Variants in LDB2 observed in about 807,000 individuals in gnomAD.
LDB2 encodes the protein LIM domain binding 2, also known as LIM domain-binding protein 2.
A neutral mutation model predicts 44.3 loss-of-function variants in LDB2; 12 were observed. The observed-to-expected ratio is 0.27, with a 90% confidence interval of 0.17 to 0.44. The LOEUF (loss-of-function observed/expected upper bound fraction) is 0.44, where lower values mean the gene tolerates loss of function less well. LDB2 is among the 20% of genes least tolerant of loss of function. The probability of loss-of-function intolerance (pLI) is 1.00; values close to 1 mark genes in which losing one functional copy is unlikely to be tolerated. For synonymous variants in LDB2, 164 were observed against 174.8 expected (o/e 0.94, Z 0.49); for missense variants, 344 against 473.5 (o/e 0.73, Z 2.54).
chr4:16,830,022 T>A (rs1783783658), intron 1 of LDB2, among the ~76,000 whole-genome samples: 1 of 152,008 alleles, frequency 6.6e-6, no homozygotes, highest in Non-Finnish European at 1.5e-5. Context: ...GCAGAATCCC[T>A]TGAACCTGGG....
intron 2 of LDB2, among the ~76,000 whole-genome samples, chr4:16,697,144 C>A (rs1453956914): frequency 1.3e-5 from 2 of 152,086 alleles, no homozygotes; most frequent in Middle Eastern, 6.8e-3. Flanking sequence ...CTGTCTTTGG[C>A]CTAGGAACGG....
chr4:16,703,048 C>T (rs957892461), intron 2 of LDB2, among the ~76,000 whole-genome samples: 4 of 152,158 alleles, frequency 2.6e-5, no homozygotes, highest in Non-Finnish European at 4.4e-5. Flanking sequence ...ACAACCAACC[C>T]TCATTTATCC....
intron 2 of LDB2, among the ~76,000 whole-genome samples, chr4:16,743,621 GC>G (rs76660667): frequency 0.072 from 11,019 of 152,082 alleles, 675 homozygotes; most frequent in East Asian, 0.38. Context: ...AAAAAGACAA[GC>G]TGCTTGTTGT....
chr4:16,647,169 C>A (rs1367473187), intron 2 of LDB2, among the ~76,000 whole-genome samples: 2 of 152,138 alleles, frequency 1.3e-5, no homozygotes, highest in South Asian at 4.2e-4. Context: ...TTGGAGGAAA[C>A]CTGAAGAGAT....
At chr4:16,777,499 G>A (rs929845564) in intron 1 of LDB2, among the ~76,000 whole-genome samples, 4 of 152,134 alleles carry the variant, frequency 2.6e-5, no homozygotes, top group Admixed American at 2.0e-4. Flanking sequence ...CTGGGGAAGC[G>A]CCAGGGCTTG....
chr4:16,586,508 AC>A (rs60282516), intron 4 of LDB2, among the ~76,000 whole-genome samples: 1,498 of 80,460 alleles, frequency 0.019, 28 homozygotes, highest in African/African-American at 0.055. Context: ...ACACACACAC[AC>A]ACACACACAC....
At chr4:16,562,776 T>C (rs1037583022) in intron 5 of LDB2, among the ~76,000 whole-genome samples, 3 of 152,226 alleles carry the variant, frequency 2.0e-5, no homozygotes, top group African/African-American at 7.2e-5. Flanking sequence ...CGTATGTTTA[T>C]TGCGGCACTA....
intron 2 of LDB2, among the ~76,000 whole-genome samples, chr4:16,692,157 G>C (rs1750929355): frequency 6.6e-6 from 1 of 152,120 alleles, no homozygotes. Flanking sequence ...ATTCTACATG[G>C]AAAGGAGAAT....
intron 5 of LDB2, among the ~76,000 whole-genome samples, chr4:16,570,462 CAAAAAAAAAAAAAAAAAAAAAAAAAAA>C (rs71181175): frequency 1.1e-3 from 19 of 16,604 alleles, no homozygotes; most frequent in East Asian, 7.3e-3. Context: ...GACTCTGTCT[CAAAAAAAAAAAAAAAAAAAAAAAAAAA>C]AAAAAAAAAA....
At chr4:16,692,566 T>C (rs991224561) in intron 2 of LDB2, among the ~76,000 whole-genome samples, 4 of 152,188 alleles carry the variant, frequency 2.6e-5, no homozygotes, top group African/African-American at 9.7e-5. Flanking sequence ...AAATACTTTT[T>C]TTTTCCTCTT....
intron 1 of LDB2, among the ~76,000 whole-genome samples, chr4:16,784,868 G>A (rs772459351): frequency 6.6e-6 from 1 of 151,920 alleles, no homozygotes; most frequent in Non-Finnish European, 1.5e-5. Context: ...GAAAACAATC[G>A]TTTCCTAGCT....
intron 2 of LDB2, among the ~76,000 whole-genome samples, chr4:16,603,242 T>C (rs1723035378): frequency 6.6e-6 from 1 of 152,216 alleles, no homozygotes; most frequent in African/African-American, 2.4e-5. Flanking sequence ...AAGTATGAAA[T>C]TGAAATCCTT....
chr4:16,627,982 C>A (rs1730771779), intron 2 of LDB2, among the ~76,000 whole-genome samples: 1 of 152,146 alleles, frequency 6.6e-6, no homozygotes, highest in Non-Finnish European at 1.5e-5. Flanking sequence ...TCAAATTCTG[C>A]CCCTTTTCAC....
At chr4:16,643,207 T>C (rs1272551563) in intron 2 of LDB2, among the ~76,000 whole-genome samples, 1 of 152,134 alleles carries the variant, frequency 6.6e-6, no homozygotes, top group Non-Finnish European at 1.5e-5. Flanking sequence ...GGGGGCACTT[T>C]TTCCTAATTC....
intron 2 of LDB2, among the ~76,000 whole-genome samples, chr4:16,616,135 C>T (rs151234585): frequency 0.014 from 2,202 of 152,224 alleles, 31 homozygotes; most frequent in South Asian, 0.046. Flanking sequence ...TCAACCATTC[C>T]CCCACAAGAA....
chr4:16,721,206 T>C (rs1007248751), intron 2 of LDB2, among the ~76,000 whole-genome samples: 1 of 152,198 alleles, frequency 6.6e-6, no homozygotes, highest in African/African-American at 2.4e-5. Context: ...ATCTTTCCTT[T>C]TATAGCCTCC....
At chr4:16,532,850 G>C (rs533368223) in intron 5 of LDB2, among the ~76,000 whole-genome samples, 5 of 152,188 alleles carry the variant, frequency 3.3e-5, no homozygotes, top group Admixed American at 2.0e-4. Flanking sequence ...GGTCATATTT[G>C]CTTCAAGGAA....
intron 1 of LDB2, among the ~76,000 whole-genome samples, chr4:16,792,367 C>G (rs1775947647): frequency 6.6e-6 from 1 of 152,216 alleles, no homozygotes; most frequent in African/African-American, 2.4e-5. Context: ...AAGATAGATA[C>G]TGATTTGTCT....
At chr4:16,549,135 G>A (rs1239269493) in intron 5 of LDB2, among the ~76,000 whole-genome samples, 1 of 152,224 alleles carries the variant, frequency 6.6e-6, no homozygotes, top group African/African-American at 2.4e-5. Flanking sequence ...GAGCTAACAA[G>A]TACACAATTT....
Sources: allele counts gnomAD v4.1 joint callset (sites outside exome capture counted in the v4.1 genomes callset), GRCh38; gene constraint gnomAD v4.1.1; transcripts MANE v1.5; gene names NCBI Gene and HGNC (gene_info 2026-07-23, HGNC 2026-07-21).